The following PCDHGA6 variants were observed in gnomAD, a reference collection of about 807,000 sequenced individuals.
PCDHGA6 encodes the protein protocadherin gamma subfamily A, 6.
PCDHGA6 carries 41 observed loss-of-function variants against 60.6 expected under a neutral mutation model. The ratio of observed to expected loss-of-function variants is 0.68; its 90% CI spans 0.53 to 0.88. The LOEUF is 0.88. Among genes scored for constraint, PCDHGA6 ranks in the 40% least tolerant of loss-of-function variants. The pLI is 0.00. For missense variants in PCDHGA6, 1,312 were observed against 1,203.0 expected, an observed-to-expected ratio of 1.09 and a Z score of -1.34; for synonymous variants, 594 against 524.4, an observed-to-expected ratio of 1.13 and a Z score of -1.81.
intron 1 of PCDHGA6, chr5:141,441,973 C>T (rs1457832429): frequency 6.7e-6 from 2 of 296,542 alleles, no homozygotes; most frequent in Admixed American, 4.4e-5. Context: ...GCTCTTCAGC[C>T]TGGAATGCGC....
chr5:141,482,763 T>TGC (rs2099571981), intron 1 of PCDHGA6, among the ~76,000 whole-genome samples: 1 of 127,550 alleles, frequency 7.8e-6, no homozygotes, highest in African/African-American at 3.6e-5. Flanking sequence ...GGTATTTCAT[T>TGC]ATCACTGAAC....
In PCDHGA6 at chr5:141,485,222, C is replaced by A; in HGVS notation, c.2425-9585C>A. The A allele has an allele frequency of 6.2e-7, 1 of 1,614,196 alleles. No homozygotes were observed. The highest frequency in any genetic ancestry group is 8.5e-7 in the Non-Finnish European group (1 of 1,180,020). On this transcript the variant is annotated intron_variant, in intron 1 of 3. Transcript: ENST00000517434. This position sits in a 1 kb window ranked among gnomAD's most constrained non-coding sequence, Gnocchi z 5.7. ...GACAGAAATCTGGCGGTGGGCTACC[C>A]TTTTGTTCCTCTTTTACCACCTGGG...
In PCDHGA6 at chr5:141,431,892, A is replaced by G. The variant is rs1456048000; in HGVS notation, c.2424+55385A>G. The G allele has an allele frequency of 2.1e-5, 34 of 1,614,054 alleles. No homozygotes were observed. Among genetic ancestry groups the G allele is most frequent in the Non-Finnish European group, 2.7e-5 (32 of 1,179,972 alleles). ...AATGTAAATGACCAAGATTCTGAGG[A>G]AAACGGACAGGTGATCTGTTTCATC... is the stretch of plus-strand genomic sequence containing the variant. On this transcript the variant is annotated intron_variant, in intron 1 of 3. Transcript: ENST00000517434. The surrounding 1 kb of genome is among the most constrained non-coding windows in gnomAD (Gnocchi z 4.8).
At position 141,393,532 on chromosome 5, in the gene PCDHGA6, C is replaced by G. The variant is rs1411410420; in HGVS notation, c.2424+17025C>G. 1.4e-5 allele frequency: 23 copies of G among 1,613,886 alleles called. No homozygotes were observed. Among genetic ancestry groups the G allele is most frequent in the Non-Finnish European group, 1.9e-5 (23 of 1,179,916 alleles). On this transcript the variant is annotated intron_variant, in intron 1 of 3. Transcript: ENST00000517434. The stretch of plus-strand genomic sequence containing the variant: ...GTGTTGGATACAAATGACAATGCCC[C>G]GGTTTTTCCTCACCCGATTTACCGA...
chr5:141,393,676 A>G (rs767754951), intron 1 of PCDHGA6: 2 of 1,613,954 alleles, frequency 1.2e-6, no homozygotes, highest in South Asian at 1.1e-5. Flanking sequence ...AATGAAAAAC[A>G]AACTCCGTTA....
chr5:141,427,697 A>G (rs1306378691), intron 1 of PCDHGA6: 3 of 924,392 alleles, frequency 3.2e-6, no homozygotes, highest in South Asian at 1.4e-5. Context: ...CCATCCCACA[A>G]GTCAGCGCCT....
intron 1 of PCDHGA6, chr5:141,385,394 C>T: frequency 1.3e-5 from 19 of 1,499,976 alleles, no homozygotes; most frequent in Non-Finnish European, 1.7e-5. Context: ...TTTTGCAAAA[C>T]AAATGTTTTG....
intron 1 of PCDHGA6, chr5:141,492,070 GCCGGCT>G (rs1329848558): frequency 2.1e-6 from 1 of 477,826 alleles, no homozygotes; most frequent in Non-Finnish European, 3.7e-6. Context: ...CCTCCTAGGC[GCCGGCT>G]CCGGCACGCT....
chr5:141,462,414 T>C (rs549473269), intron 1 of PCDHGA6, among the ~76,000 whole-genome samples: 1 of 152,360 alleles, frequency 6.6e-6, no homozygotes, highest in Non-Finnish European at 1.5e-5. Flanking sequence ...CAGAATATGG[T>C]CTATCTTGGT....
chr5:141,421,512 G>T, intron 1 of PCDHGA6: 2 of 1,614,094 alleles, frequency 1.2e-6, no homozygotes, highest in Non-Finnish European at 1.7e-6. Context: ...ACCGGGAGGA[G>T]CTCTGTGAGA....
chr5:141,456,578 C>G (rs959608396), intron 1 of PCDHGA6, among the ~76,000 whole-genome samples: 10 of 152,182 alleles, frequency 6.6e-5, no homozygotes, highest in African/African-American at 1.7e-4. Flanking sequence ...TTTCCCTGAG[C>G]CTGTCAATAA....
chr5:141,478,164 C>A (rs202185809), intron 1 of PCDHGA6: 2 of 1,614,010 alleles, frequency 1.2e-6, no homozygotes, highest in African/African-American at 1.3e-5. Context: ...GGCTCTGCCC[C>A]CCGGGAGCAG....
intron 1 of PCDHGA6, chr5:141,415,040 CG>C (rs878992043): frequency 6.2e-7 from 1 of 1,613,520 alleles, no homozygotes; most frequent in East Asian, 2.2e-5. Flanking sequence ...GGACTCTTCG[CG>C]GTGGGGGAGC....
At position 141,407,205 on chromosome 5, in the gene PCDHGA6, C is replaced by T. The variant is rs146299905; in HGVS notation, c.2424+30698C>T. 1.4e-3 allele frequency among the ~76,000 whole-genome samples: 213 copies of T among 152,308 alleles called. 1 individual carries two copies. Among genetic ancestry groups the T allele is most frequent in the African/African-American group, 4.8e-3 (199 of 41,572 alleles). On this transcript the variant is annotated intron_variant, in intron 1 of 3. Coordinates refer to ENST00000517434, the MANE Select transcript of PCDHGA6 (RefSeq NM_018919.3). ...ATTTTAATTATTTCAAACACGTTTTCCCCCTTAAGTGGGTAGCAAAAAAAA... is the reference window on the plus strand; with the variant it reads ...ATTTTAATTATTTCAAACACGTTTTTCCCCTTAAGTGGGTAGCAAAAAAAA...
chr5:141,446,138 T>C (rs1254949926), intron 1 of PCDHGA6, among the ~76,000 whole-genome samples: 1 of 152,208 alleles, frequency 6.6e-6, no homozygotes, highest in African/African-American at 2.4e-5. Context: ...GACTTAATAA[T>C]GGAATAGGTG....
chr5:141,408,144 G>C (rs868032463), intron 1 of PCDHGA6: 4 of 1,496,186 alleles, frequency 2.7e-6, no homozygotes, highest in East Asian at 2.5e-5. Context: ...CTTTTAGCGC[G>C]GTAGAGTGCA....
chr5:141,394,506 C>G, intron 1 of PCDHGA6: 2 of 1,614,214 alleles, frequency 1.2e-6, no homozygotes, highest in Non-Finnish European at 1.7e-6. Context: ...GATCCTGTAC[C>G]CCGCCCTCCC....
At position 141,419,294 on chromosome 5, in the gene PCDHGA6, C is replaced by T. The variant is rs770303087; in HGVS notation, c.2424+42787C>T. ...CATAGCGCAAGTCAGTGCCTCTGAC[C>T]CAGACTTCGGGCTCAACGGCCGTGT... On this transcript the variant is annotated intron_variant, in intron 1 of 3. Transcript: ENST00000517434. The T allele has an allele frequency of 1.9e-6, 3 of 1,614,036 alleles. No homozygotes were observed. Among genetic ancestry groups the T allele is most frequent in the East Asian group, 2.2e-5 (1 of 44,886 alleles).
chr5:141,450,592 T>G (rs1403924348), intron 1 of PCDHGA6, among the ~76,000 whole-genome samples: 1 of 151,838 alleles, frequency 6.6e-6, no homozygotes, highest in Non-Finnish European at 1.5e-5. Context: ...GTTCAAGCAA[T>G]TCTCCTGCCT....
Sources: gnomAD v4.1 joint callset for allele counts (sites outside exome capture counted in the v4.1 genomes callset) on GRCh38, gnomAD v4.1.1 for gene constraint, Gnocchi (gnomAD v3.1) non-coding constraint, MANE v1.5 for transcripts, NCBI Gene and HGNC (gene_info 2026-07-23, HGNC 2026-07-21) for gene names.